The following DNAH9 variants were observed in gnomAD, a reference collection of about 807,000 sequenced individuals.
The protein encoded by DNAH9 is dynein axonemal heavy chain 9, also known as DNAH9 variant protein.
DNAH9 carries 345 observed loss-of-function variants against 471.6 expected under a neutral mutation model. The ratio of observed to expected loss-of-function variants is 0.73; its 90% CI spans 0.67 to 0.80. The LOEUF (loss-of-function observed/expected upper bound fraction) is 0.80, where lower values mean the gene tolerates loss of function less well. Ranked by LOEUF, DNAH9 falls within the 30% of genes least tolerant of loss-of-function variation. The pLI is 0.00. For synonymous variants in DNAH9, 2,093 were observed against 2,123.6 expected, an observed-to-expected ratio of 0.99 and a Z score of 0.40; for missense variants, 5,407 against 5,609.2, an observed-to-expected ratio of 0.96 and a Z score of 1.15.
chr17:11,850,824 C>G (rs986842069), intron 49 of DNAH9, among the ~76,000 whole-genome samples: 3 of 152,138 alleles, frequency 2.0e-5, no homozygotes, highest in African/African-American at 7.2e-5. Context: ...TTTCCCTTCT[C>G]TTTCCATCCA....
At chr17:11,605,975 T>C (rs1449942029) in intron 1 of DNAH9, among the ~76,000 whole-genome samples, 1 of 149,890 alleles carries the variant, frequency 6.7e-6, no homozygotes, top group East Asian at 2.0e-4. Flanking sequence ...ACTCTGACTA[T>C]ATAAAAATTA....
chr17:11,728,477 G>A (rs2075195220), intron 28 of DNAH9, among the ~76,000 whole-genome samples: 1 of 147,478 alleles, frequency 6.8e-6, no homozygotes, highest in Non-Finnish European at 1.5e-5. Flanking sequence ...TAAGTGTTAT[G>A]CAAAAGACAG....
intron 20 of DNAH9, 50 bp downstream of exon 20, chr17:11,690,486 A>G: frequency 6.5e-7 from 1 of 1,535,540 alleles, no homozygotes; most frequent in Non-Finnish European, 8.9e-7. Flanking sequence ...TCCAGGGTGA[A>G]GGGAAGGTCA....
chr17:11,794,472 ACT>A (rs757286837), intron 42 of DNAH9, among the ~76,000 whole-genome samples: 22 of 152,160 alleles, frequency 1.4e-4, no homozygotes, highest in Admixed American at 2.6e-4. Flanking sequence ...TACATGACAA[ACT>A]CTCAAATATT....
intron 9 of DNAH9, among the ~76,000 whole-genome samples, chr17:11,639,906 G>A (rs1478204330): frequency 6.6e-6 from 1 of 152,188 alleles, no homozygotes; most frequent in Non-Finnish European, 1.5e-5. Flanking sequence ...AGGAGGCTGA[G>A]ACAGGAGAAT....
At chr17:11,914,941 T>C (rs1289109319) in intron 61 of DNAH9, among the ~76,000 whole-genome samples, 2 of 152,176 alleles carry the variant, frequency 1.3e-5, no homozygotes, top group Non-Finnish European at 2.9e-5. Flanking sequence ...TTACCAAGTT[T>C]CTCATGCCAG....
At chr17:11,764,530 C>T (rs765635593) in intron 36 of DNAH9, among the ~76,000 whole-genome samples, 16 of 152,172 alleles carry the variant, frequency 1.1e-4, no homozygotes, top group Admixed American at 2.0e-4. Flanking sequence ...TTCCATTGCT[C>T]CCTCCCCCAG....
chr17:11,715,358 C>T (rs1463712234), intron 26 of DNAH9, among the ~76,000 whole-genome samples: 2 of 152,052 alleles, frequency 1.3e-5, no homozygotes. Flanking sequence ...GTTATTTGCC[C>T]AAGGAAAGCA....
chr17:11,918,296 A>G (rs1974024051), intron 61 of DNAH9, among the ~76,000 whole-genome samples: 1 of 152,006 alleles, frequency 6.6e-6, no homozygotes, highest in African/African-American at 2.4e-5. Flanking sequence ...CAGTGGCGCC[A>G]TCTTGGCTCA....
chr17:11,598,611 C>T lies in DNAH9; in HGVS notation c.113C>T (p.Pro38Leu), dbSNP rs1247137366. ...ACCTACGTGGCCATGAGCCTGCGGC[C>T]GGCTGCGGGCGCCTGGGAGCGTTGC... ...LGTYVAMSLR[P>L]AAGAWERCAG... The change falls in exon 1 of 69, where the codon CCG becomes CTG. Residue 38 changes from proline to leucine, a missense_variant. By Grantham distance (98) the Pro-to-Leu change is moderately conservative. Transcript: ENST00000262442. 9.7e-6 allele frequency: 13 copies of T among 1,342,718 alleles called. No individual in the cohort carries two copies. The South Asian group carries it at 2.0e-4, about 21-fold the overall frequency. The allele number at this position is 1,342,718 out of a possible 1,614,324, so 83.2% of individuals were successfully genotyped here. A position where few individuals can be genotyped will look rare whatever the true frequency, so the allele number is the denominator to read the frequency against.
At chr17:11,658,220 G>A (rs765129361) in intron 14 of DNAH9, among the ~76,000 whole-genome samples, 4 of 152,072 alleles carry the variant, frequency 2.6e-5, no homozygotes, top group Non-Finnish European at 5.9e-5. Context: ...TTTTAGTGTA[G>A]AAGTCTCACA....
intron 26 of DNAH9, among the ~76,000 whole-genome samples, chr17:11,708,914 T>C (rs1290830758): frequency 6.6e-6 from 1 of 152,134 alleles, no homozygotes; most frequent in Non-Finnish European, 1.5e-5. Flanking sequence ...CAATGGGCAC[T>C]CAAGAAATAC....
chr17:11,689,059 C>A (rs902454740), intron 19 of DNAH9, among the ~76,000 whole-genome samples: 8 of 151,760 alleles, frequency 5.3e-5, no homozygotes, highest in Admixed American at 5.2e-4. Context: ...CACGCCACTG[C>A]ACTCCAGCCT....
At chr17:11,614,403 G>A (rs1001054531) in intron 4 of DNAH9, among the ~76,000 whole-genome samples, 2 of 152,148 alleles carry the variant, frequency 1.3e-5, no homozygotes, top group Admixed American at 6.5e-5. Flanking sequence ...GCAGGAACCC[G>A]ATTGTATGAA....
chr17:11,954,070 C>A (rs955690288), intron 67 of DNAH9: 29 of 151,538 alleles, frequency 1.9e-4, no homozygotes, highest in East Asian at 7.7e-4. Context: ...AATGAAAAAA[C>A]CAAAAAAAGT....
At chr17:11,705,371 A>G (rs1022799239) in intron 26 of DNAH9, 186 bp downstream of exon 26, 2 of 567,478 alleles carry the variant, frequency 3.5e-6, no homozygotes, top group Non-Finnish European at 6.3e-6. Context: ...TCTTGGAACA[A>G]ATCCCAGAGC....
intron 44 of DNAH9, among the ~76,000 whole-genome samples, chr17:11,808,792 C>T (rs1567816872): frequency 6.6e-6 from 1 of 152,172 alleles, no homozygotes. Flanking sequence ...GTGTCCCACT[C>T]CCCAGTATTC....
At position 11,962,205 on chromosome 17, in the gene DNAH9, AG is replaced by A; in HGVS notation, c.13186del (p.Ala4396ProfsTer25). ...AAGAGTTTAGGAGTCCTCCTCGGGA[AG>A]GGGCCTACATCCATGGCCTCTTCAT... Reference protein sequence around the residue: ...REEFRSPPREGAYIHGLFMEG... With the variant: ...REEFRSPPREXAYIHGLFMEG... On this transcript the variant is annotated frameshift_variant, in exon 68 of 69. Coordinates refer to ENST00000262442, the MANE Select transcript of DNAH9 (RefSeq NM_001372.4). LOFTEE classifies it high-confidence loss of function. This position sits in a 1 kb window ranked among gnomAD's most constrained non-coding sequence, Gnocchi z 4.1. 2 of 1,613,888 alleles carry A rather than the reference AG, an allele frequency of 1.2e-6. No homozygotes were observed. Among genetic ancestry groups the A allele is most frequent in the Non-Finnish European group, 1.7e-6 (2 of 1,179,964 alleles).
At chr17:11,952,904 C>G (rs539724388) in intron 67 of DNAH9, among the ~76,000 whole-genome samples, 1 of 152,052 alleles carries the variant, frequency 6.6e-6, no homozygotes, top group African/African-American at 2.4e-5. Context: ...GCTCAAGCAC[C>G]GGCAAATTTG....
Sources: gnomAD v4.1 joint callset for allele counts (sites outside exome capture counted in the v4.1 genomes callset) on GRCh38, gnomAD v4.1.1 for gene constraint, Gnocchi (gnomAD v3.1) non-coding constraint, MANE v1.5 for transcripts, NCBI Gene and HGNC (gene_info 2026-07-23, HGNC 2026-07-21) for gene names.